The following ARHGAP9 variants were observed in gnomAD, a reference collection of about 807,000 sequenced individuals.
ARHGAP9 encodes the protein Rho GTPase activating protein 9.
Under a neutral mutation model 87.3 loss-of-function variants are expected in ARHGAP9, and 76 were observed. The observed-to-expected ratio is 0.87, with a 90% CI of 0.72 to 1.05. ARHGAP9 has a LOEUF of 1.05. ARHGAP9 is among the 50% of genes least tolerant of loss of function. The probability of loss-of-function intolerance (pLI) is 0.00; values close to 1 mark genes in which losing one functional copy is unlikely to be tolerated. For missense variants in ARHGAP9, 941 were observed against 960.5 expected (o/e 0.98, Z 0.27); for synonymous variants, 382 against 394.9 (o/e 0.97, Z 0.39).
chr12:57,481,683 A>G (rs1875020367), upstream of ARHGAP9, among the ~76,000 whole-genome samples: 1 of 152,168 alleles, frequency 6.6e-6, no homozygotes, highest in Admixed American at 6.5e-5. Flanking sequence ...TTGCCTGAGC[A>G]TCCTGCAGTC....
At chr12:57,482,003 A>G (rs1875049241), upstream of ARHGAP9, among the ~76,000 whole-genome samples, 1 of 152,158 alleles carries the variant, frequency 6.6e-6, no homozygotes, top group South Asian at 2.1e-4. Context: ...TCCACTGTCC[A>G]CCAGAAAATC....
chr12:57,478,037 G>T (rs1262467833), intron 3 of ARHGAP9: 3 of 1,008,290 alleles, frequency 3.0e-6, no homozygotes, highest in Non-Finnish European at 3.8e-6. Flanking sequence ...ACAGAGAAGG[G>T]TCTACAGAAG....
At chr12:57,476,496 A>C in intron 7 of ARHGAP9, 42 bp from the exon 8 acceptor site, 1 of 1,612,910 alleles carries the variant, frequency 6.2e-7, no homozygotes, top group Non-Finnish European at 8.5e-7. Flanking sequence ...CGAACAGGTC[A>C]TTCTAGAATG....
rs933593621 is a variant in ARHGAP9, at chr12:57,486,296, G to T, written c.-204+2316C>A. On this transcript the variant is annotated intron_variant, in intron 1 of 20. Coordinates refer to the ARHGAP9 transcript ENST00000393797. ...TCAATTTTTTTTTTTTTGAGACGAA[G>T]TCTTGCTCTATTGTGCAGGCTGGAG... Among the ~76,000 whole-genome samples the T allele has an allele frequency of 3.3e-5, 5 of 150,708 alleles. No homozygotes were observed. The East Asian group carries it at 7.8e-4, about 24-fold the overall frequency.
At chr12:57,483,780 C>T (rs1875197386), upstream of ARHGAP9, 2 of 394,244 alleles carry the variant, frequency 5.1e-6, no homozygotes, top group African/African-American at 2.1e-5. Context: ...TGGCTCACAC[C>T]TGTAAACCCA....
chr12:57,480,713 A>G, upstream of ARHGAP9: 1 of 1,444,768 alleles, frequency 6.9e-7, no homozygotes, highest in Admixed American at 2.0e-5. Flanking sequence ...CCTTGGTGGA[A>G]GGTGGGAAGT....
chr12:57,474,778 A>G (rs1872965525), intron 13 of ARHGAP9, 75 bp from the exon 14 acceptor site: 3 of 1,606,512 alleles, frequency 1.9e-6, no homozygotes, highest in Middle Eastern at 1.7e-4. Flanking sequence ...GGGTGGAGAG[A>G]AAAAGGGCAG....
upstream of ARHGAP9, among the ~76,000 whole-genome samples, chr12:57,484,643 AGTTT>A (rs530991230): frequency 2.2e-3 from 342 of 152,034 alleles, 1 homozygote; most frequent in Admixed American, 4.4e-3. Flanking sequence ...GACCTACCTC[AGTTT>A]GTTTGTTTAT....
chr12:57,478,907 G>A, intron 2 of ARHGAP9, 150 bp from the exon 3 acceptor site: 3 of 1,087,954 alleles, frequency 2.8e-6, no homozygotes, highest in Non-Finnish European at 3.9e-6. Flanking sequence ...AGGACTAGGA[G>A]GACAGGCAGT....
rs774931853 is a variant in ARHGAP9 at position 57,476,902 on chromosome 12, C to T, written c.932G>A (p.Arg311Gln). Residue 311 changes from arginine to glutamine, a missense_variant, in exon 6 of 18, where the codon CGA becomes CAA. By Grantham distance (43) the Arg-to-Gln change is conservative. Coordinates refer to ENST00000393791, the MANE Select transcript of ARHGAP9 (RefSeq NM_032496.4). ...QLDPPALQAP[R>Q]PLPQLLDDPH... is the part of the protein sequence containing the mutation. ...GTCGTCCAGGAGCTGCGGCAGAGGTCGAGGGGCCTGCAAGGCTGGAGGGTC... is the reference window on the plus strand; with the variant it reads ...GTCGTCCAGGAGCTGCGGCAGAGGTTGAGGGGCCTGCAAGGCTGGAGGGTC... The T allele has an allele frequency of 5.6e-6, 9 of 1,613,656 alleles. No individual in the cohort carries two copies. The highest frequency in any genetic ancestry group is 7.6e-6 in the Non-Finnish European group (9 of 1,179,910).
intron 1 of ARHGAP9, chr12:57,488,098 T>C: frequency 1.2e-6 from 2 of 1,614,090 alleles, no homozygotes; most frequent in Non-Finnish European, 1.7e-6. Flanking sequence ...GAAATGAGAC[T>C]GTTCGTGAGT....
Position 57,476,360 on chromosome 12 carries a change from T to C in ARHGAP9, c.1116+4A>G. ...CCCATCCTGCGCCTCTCGCTCACAC[T>C]CACCCAGCCTGAGGAGGGCGCTGTC... is the stretch of plus-strand genomic sequence containing the variant. On this transcript the variant is annotated splice_donor_region_variant and intron_variant, in intron 8 of 17. Coordinates refer to ENST00000393791, the MANE Select transcript of ARHGAP9 (RefSeq NM_032496.4). 2 of 1,613,554 alleles carry C rather than the reference T, an allele frequency of 1.2e-6. No homozygotes were observed. Among genetic ancestry groups the C allele is most frequent in the Non-Finnish European group, 1.7e-6 (2 of 1,179,888 alleles).
chr12:57,480,867 G>A (rs1456899160), upstream of ARHGAP9: 22 of 1,538,908 alleles, frequency 1.4e-5, no homozygotes, highest in African/African-American at 6.9e-5. Flanking sequence ...GTTAAGGAGC[G>A]AATGACCCTC....
In ARHGAP9 at chr12:57,479,183, G is replaced by T. The variant is rs552044607; in HGVS notation, c.224C>A (p.Pro75His). The T allele has an allele frequency of 3.1e-6, 5 of 1,614,204 alleles. No individual in the cohort carries two copies. The highest frequency in any genetic ancestry group is 1.6e-4 in the Middle Eastern group (1 of 6,062). The change falls in exon 2 of 18, where the codon CCC becomes CAC. Residue 75 changes from proline (P) to histidine (H), a missense_variant. Physicochemically the swap from Pro to His is moderately conservative, Grantham distance 77 (BLOSUM62 -2). Coordinates refer to ENST00000393791, the MANE Select transcript of ARHGAP9 (RefSeq NM_032496.4). ...RRLEAPSTSR[P>H]IFVPAAYMIE... The stretch of plus-strand genomic sequence containing the variant: ...CATATAGGCTGCTGGGACGAAGATG[G>T]GTCGAGAGGTGGAGGGAGCTTCTAG...
upstream of ARHGAP9, among the ~76,000 whole-genome samples, chr12:57,483,270 C>A (rs1315414674): frequency 6.6e-6 from 1 of 152,190 alleles, no homozygotes; most frequent in South Asian, 2.1e-4. Flanking sequence ...TGTTTCCTCG[C>A]CACCCACATT....
intron 1 of ARHGAP9, chr12:57,488,393 A>G (rs1158937268): frequency 1.4e-6 from 1 of 728,208 alleles, no homozygotes; most frequent in Non-Finnish European, 2.3e-6. Context: ...TACCCTCAAT[A>G]TAATACCCTT....
Position 57,472,467 on chromosome 12 carries a change from TCAC to T in ARHGAP9, c.*47_*49del. 6.3e-7 allele frequency: 1 copy of T among 1,585,608 alleles called. No homozygotes were observed. ...ATCCTCAAAACAGAACACCAGCCTC[TCAC>T]CACCAGAGATGACCGGAAATATGTT... On this transcript the variant is annotated 3_prime_UTR_variant, in exon 18 of 18. Transcript: ENST00000393791.
At chr12:57,476,849 C>T (rs1344563146) in intron 6 of ARHGAP9, 22 bp downstream of exon 6, 1 of 1,608,646 alleles carries the variant, frequency 6.2e-7, no homozygotes, top group Non-Finnish European at 8.5e-7. Context: ...TCTTGGCCTT[C>T]ACAAAGAAAT....
Position 57,476,178 on chromosome 12 carries a change from G to T in ARHGAP9, c.1117-12C>A. 6.5e-7 allele frequency: 1 copy of T among 1,533,670 alleles called. No individual in the cohort carries two copies. Among genetic ancestry groups the T allele is most frequent in the Non-Finnish European group, 8.8e-7 (1 of 1,138,194 alleles). ...CTACCCGCTGGTCCCTGACAATGAG[G>T]GAGGAAACTGAGGCCACGGTGTTGT... is the stretch of plus-strand genomic sequence containing the variant. On this transcript the variant is annotated splice_polypyrimidine_tract_variant and intron_variant, in intron 8 of 17. Coordinates refer to ENST00000393791, the MANE Select transcript of ARHGAP9 (RefSeq NM_032496.4).
Sources: allele counts gnomAD v4.1 joint callset (sites outside exome capture counted in the v4.1 genomes callset), GRCh38; gene constraint gnomAD v4.1.1; transcripts MANE v1.5; gene names NCBI Gene and HGNC (gene_info 2026-07-23, HGNC 2026-07-21).